SNTG1: variants seen among roughly 807,000 people sequenced by gnomAD.
SNTG1 encodes syntrophin gamma 1.
A neutral mutation model predicts 74.7 loss-of-function variants in SNTG1; 39 were observed. The observed-to-expected ratio is 0.52, with a 90% CI of 0.40 to 0.68. SNTG1 has a LOEUF of 0.68. Ranked by LOEUF, SNTG1 falls within the 30% of genes least tolerant of loss-of-function variation. SNTG1 has a pLI of 0.00. For missense variants in SNTG1, 685 were observed against 609.5 expected, an observed-to-expected ratio of 1.12 and a Z score of -1.30; for synonymous variants, 254 against 217.1, an observed-to-expected ratio of 1.17 and a Z score of -1.49.
chr8:50,076,324 G>A (rs1481039731), intron 1 of SNTG1, among the ~76,000 whole-genome samples: 1 of 152,092 alleles, frequency 6.6e-6, no homozygotes, highest in Non-Finnish European at 1.5e-5. Flanking sequence ...ATTCTTTTGT[G>A]AGTTGGTTTA....
chr8:50,329,387 A>G (rs117408114), intron 2 of SNTG1, among the ~76,000 whole-genome samples: 7,594 of 152,232 alleles, frequency 0.05, 263 homozygotes, highest in Non-Finnish European at 0.078. Flanking sequence ...CCCCTGCAGC[A>G]GACTTCTGCC....
intron 18 of SNTG1, among the ~76,000 whole-genome samples, chr8:50,788,533 T>C (rs1475179390): frequency 6.6e-6 from 1 of 151,798 alleles, no homozygotes; most frequent in African/African-American, 2.4e-5. Context: ...CGTGTGGGAG[T>C]TGTTTATATT....
At chr8:50,155,628 A>G (rs2082229321) in intron 1 of SNTG1, among the ~76,000 whole-genome samples, 1 of 152,058 alleles carries the variant, frequency 6.6e-6, no homozygotes, top group Non-Finnish European at 1.5e-5. Context: ...GAGAAATTAT[A>G]GATAATTTAA....
chr8:49,940,518 A>G (rs1396008045), intron 1 of SNTG1, among the ~76,000 whole-genome samples: 1 of 152,084 alleles, frequency 6.6e-6, no homozygotes, highest in East Asian at 1.9e-4. Context: ...CTTTATTTTG[A>G]CTCTGTTTTT....
chr8:50,601,716 G>A (rs1217033170), intron 13 of SNTG1, among the ~76,000 whole-genome samples: 1 of 152,094 alleles, frequency 6.6e-6, no homozygotes, highest in East Asian at 1.9e-4. Flanking sequence ...GCTGAAAGTT[G>A]GGTGTTGAAG....
chr8:50,740,543 A>C (rs1271070712), intron 17 of SNTG1, among the ~76,000 whole-genome samples: 1 of 152,130 alleles, frequency 6.6e-6, no homozygotes. Context: ...GGTTGGTGGG[A>C]GTATAAATTA....
chr8:50,484,137 C>CCTTCTTTCTTTCT (rs2093766134), intron 8 of SNTG1, among the ~76,000 whole-genome samples: 2 of 55,906 alleles, frequency 3.6e-5, no homozygotes, highest in Admixed American at 2.0e-4. Flanking sequence ...TCTTTCTTTC[C>CCTTCTTTCTTTCT]TTCTTTCTTT....
chr8:50,564,945 G>A (rs180702926), intron 12 of SNTG1, among the ~76,000 whole-genome samples: 31 of 152,122 alleles, frequency 2.0e-4, no homozygotes, highest in Non-Finnish European at 3.2e-4. Context: ...ATACAACTTT[G>A]GAGTGGACAA....
chr8:50,407,028 G>T (rs572640377), intron 4 of SNTG1, among the ~76,000 whole-genome samples: 2 of 152,058 alleles, frequency 1.3e-5, no homozygotes, highest in Non-Finnish European at 2.9e-5. Flanking sequence ...GTAAAGGCCC[G>T]CAGACGCCTC....
chr8:50,461,647 G>C (rs953150886), intron 8 of SNTG1, among the ~76,000 whole-genome samples: 6 of 152,014 alleles, frequency 3.9e-5, no homozygotes, highest in African/African-American at 1.4e-4. Context: ...TTTGGGTATT[G>C]GGAACTCTTT....
At chr8:50,494,075 T>C (rs553979934) in intron 8 of SNTG1, among the ~76,000 whole-genome samples, 1 of 151,484 alleles carries the variant, frequency 6.6e-6, no homozygotes, top group East Asian at 1.9e-4. Context: ...CAAACATCCT[T>C]TCAGAATCTT....
At chr8:50,214,572 G>A (rs2084686220) in intron 2 of SNTG1, among the ~76,000 whole-genome samples, 1 of 151,958 alleles carries the variant, frequency 6.6e-6, no homozygotes, top group Non-Finnish European at 1.5e-5. Context: ...TATGTACTTG[G>A]AAAATTGGGG....
At chr8:50,275,014 T>C (rs1196517293) in intron 2 of SNTG1, among the ~76,000 whole-genome samples, 1 of 152,160 alleles carries the variant, frequency 6.6e-6, no homozygotes, top group Non-Finnish European at 1.5e-5. Context: ...TTATAAATTA[T>C]GCTGCAGTTT....
chr8:50,432,381 T>A, intron 4 of SNTG1, among the ~76,000 whole-genome samples: 1 of 152,168 alleles, frequency 6.6e-6, no homozygotes, highest in Non-Finnish European at 1.5e-5. Context: ...GTCTAAATGC[T>A]TTTTCTGTCA....
chr8:50,486,984 C>T (rs1294309534), intron 8 of SNTG1, among the ~76,000 whole-genome samples: 2 of 152,164 alleles, frequency 1.3e-5, no homozygotes, highest in African/African-American at 2.4e-5. Flanking sequence ...ACCAGCCTTG[C>T]ATCACAGGGA....
intron 9 of SNTG1, among the ~76,000 whole-genome samples, chr8:50,518,361 T>C (rs567190659): frequency 6.6e-6 from 1 of 152,238 alleles, no homozygotes; most frequent in East Asian, 1.9e-4. Flanking sequence ...GCAGGAAATT[T>C]CTAAAATTGA....
intron 2 of SNTG1, among the ~76,000 whole-genome samples, chr8:50,224,822 C>A (rs575015380): frequency 3.9e-4 from 59 of 152,200 alleles, no homozygotes; most frequent in African/African-American, 1.3e-3. Flanking sequence ...AGATAGCAGG[C>A]CCAAAATATA....
intron 2 of SNTG1, among the ~76,000 whole-genome samples, chr8:50,200,376 T>C (rs929004503): frequency 1.2e-4 from 18 of 152,182 alleles, no homozygotes; most frequent in African/African-American, 4.1e-4. Flanking sequence ...TCACAATGAC[T>C]TGAGCTGTGG....
chr8:50,369,128 G>A (rs2092203636), intron 2 of SNTG1, among the ~76,000 whole-genome samples: 3 of 152,238 alleles, frequency 2.0e-5, no homozygotes, highest in Admixed American at 6.5e-5. Context: ...CATGGATTTG[G>A]GGGAACCAAG....
Sources: allele counts gnomAD v4.1 joint callset (sites outside exome capture counted in the v4.1 genomes callset), GRCh38; gene constraint gnomAD v4.1.1; transcripts MANE v1.5; gene names NCBI Gene and HGNC (gene_info 2026-07-23, HGNC 2026-07-21).